USP32: variants seen among roughly 807,000 people sequenced by gnomAD.
USP32 encodes the protein ubiquitin carboxyl-terminal hydrolase 32.
In USP32, 59 loss-of-function variants were observed where a neutral mutation model predicts 204.8. That is an observed-to-expected ratio of 0.29 (90% CI 0.23 to 0.36). The LOEUF is 0.36. USP32 is among the 10% of genes least tolerant of loss of function. USP32 has a pLI of 1.00. For synonymous variants in USP32, 517 were observed against 678.4 expected, an observed-to-expected ratio of 0.76 and a Z score of 3.70; for missense variants, 1,160 against 1,946.4, an observed-to-expected ratio of 0.60 and a Z score of 7.60.
At chr17:60,417,777 ATTTATTTATT>A (rs2090073362) in intron 1 of USP32, among the ~76,000 whole-genome samples, 1 of 149,196 alleles carries the variant, frequency 6.7e-6, no homozygotes, top group East Asian at 2.0e-4. Context: ...ATTTTTATGT[ATTTATTTATT>A]TTTATTTTTA....
intron 1 of USP32, among the ~76,000 whole-genome samples, chr17:60,369,894 T>G (rs2089403959): frequency 6.6e-6 from 1 of 152,070 alleles, no homozygotes; most frequent in Non-Finnish European, 1.5e-5. Flanking sequence ...CTTGCTACCA[T>G]GCTCAGCTAA....
At chr17:60,223,388 A>G in intron 14 of USP32, 23 bp downstream of exon 14, 13 of 1,580,432 alleles carry the variant, frequency 8.2e-6, no homozygotes, top group Non-Finnish European at 1.0e-5. Context: ...AATAATTTTA[A>G]GTTTAGATGT....
chr17:60,289,159 C>A (rs1483798969), intron 4 of USP32, among the ~76,000 whole-genome samples: 1 of 152,140 alleles, frequency 6.6e-6, no homozygotes, highest in Non-Finnish European at 1.5e-5. Flanking sequence ...AGGCACCCAC[C>A]ACCACGCCCG....
At chr17:60,253,289 A>G (rs576222175) in intron 10 of USP32, among the ~76,000 whole-genome samples, 1 of 152,328 alleles carries the variant, frequency 6.6e-6, no homozygotes, top group South Asian at 2.1e-4. Flanking sequence ...ATGTTCGTGT[A>G]CAAACAGCAT....
chr17:60,232,359 G>C (rs2085586082), intron 12 of USP32, among the ~76,000 whole-genome samples: 1 of 151,010 alleles, frequency 6.6e-6, no homozygotes, highest in African/African-American at 2.4e-5. Context: ...TTTTAGTAGA[G>C]TCGGGGTTTC....
At chr17:60,347,377 G>A (rs142909524) in intron 1 of USP32, among the ~76,000 whole-genome samples, 3,126 of 147,094 alleles carry the variant, frequency 0.021, 133 homozygotes, top group African/African-American at 0.075. Flanking sequence ...TTTATGAGAC[G>A]GCATCTTGCT....
At chr17:60,228,607 GGA>G (rs1317110797) in intron 12 of USP32, among the ~76,000 whole-genome samples, 3 of 150,456 alleles carry the variant, frequency 2.0e-5, no homozygotes, top group Admixed American at 1.3e-4. Context: ...CTTGAGCTCA[GGA>G]GAGTTGGAGA....
chr17:60,221,558 G>A (rs1480129855), intron 15 of USP32, among the ~76,000 whole-genome samples: 1 of 150,472 alleles, frequency 6.6e-6, no homozygotes, highest in Non-Finnish European at 1.5e-5. Context: ...AGGCAGGAGT[G>A]CAATGGTGTG....
intron 2 of USP32, among the ~76,000 whole-genome samples, chr17:60,324,531 C>G (rs1221168242): frequency 6.6e-6 from 1 of 151,882 alleles, no homozygotes; most frequent in African/African-American, 2.4e-5. Flanking sequence ...TGGTAATTAA[C>G]AACATGTAAA....
At chr17:60,415,527 A>C (rs1360711437) in intron 1 of USP32, among the ~76,000 whole-genome samples, 3 of 152,128 alleles carry the variant, frequency 2.0e-5, no homozygotes, top group Non-Finnish European at 4.4e-5. Flanking sequence ...TTGGGGCTAG[A>C]CCTCTTTGAT....
At chr17:60,249,778 G>A in intron 11 of USP32, 1 of 698,928 alleles carries the variant, frequency 1.4e-6, no homozygotes, top group East Asian at 2.7e-5. Context: ...TGACAATTTT[G>A]TTCAGTTTTT....
At chr17:60,392,480 AC>A (rs552195258), upstream of USP32, 92 of 210,688 alleles carry the variant, frequency 4.4e-4, no homozygotes, top group South Asian at 1.1e-3. Context: ...CTTGAGGACG[AC>A]CCCCCCCGCC....
chr17:60,397,095 A>G (rs2089905723), upstream of USP32, among the ~76,000 whole-genome samples: 1 of 152,182 alleles, frequency 6.6e-6, no homozygotes, highest in Non-Finnish European at 1.5e-5. Flanking sequence ...GCAAAATACA[A>G]ACTACAAGCT....
intron 15 of USP32, among the ~76,000 whole-genome samples, chr17:60,220,455 T>C (rs1196501924): frequency 1.3e-5 from 2 of 152,214 alleles, no homozygotes; most frequent in Non-Finnish European, 2.9e-5. Context: ...GTTTTGTCTA[T>C]GACTTAAACA....
At chr17:60,322,931 C>G (rs1395351255) in intron 2 of USP32, among the ~76,000 whole-genome samples, 2 of 152,048 alleles carry the variant, frequency 1.3e-5, no homozygotes, top group Admixed American at 6.5e-5. Context: ...CAGGAAAATG[C>G]AAATCAAAAC....
intron 13 of USP32, among the ~76,000 whole-genome samples, chr17:60,224,305 G>C (rs1164732855): frequency 6.6e-6 from 1 of 152,194 alleles, no homozygotes; most frequent in East Asian, 1.9e-4. Flanking sequence ...AGGATCTTTA[G>C]ATGGGGTTAA....
chr17:60,401,885 T>C (rs1054761943), intron 1 of USP32, among the ~76,000 whole-genome samples: 6 of 152,156 alleles, frequency 3.9e-5, no homozygotes, highest in Non-Finnish European at 7.3e-5. Flanking sequence ...AGCCAGTAGA[T>C]ACAAAGTTGT....
chr17:60,389,472 G>A (rs1234484444), intron 1 of USP32, among the ~76,000 whole-genome samples: 2 of 151,694 alleles, frequency 1.3e-5, no homozygotes, highest in African/African-American at 4.9e-5. Context: ...GAACCCGGGA[G>A]GCGGAGGTTG....
At chr17:60,336,227 T>C (rs2088512950) in intron 2 of USP32, among the ~76,000 whole-genome samples, 1 of 143,186 alleles carries the variant, frequency 7.0e-6, no homozygotes, top group African/African-American at 3.0e-5. Context: ...GATCTTCTAT[T>C]GTGAACTCTG....
Sources: gnomAD v4.1 joint callset for allele counts (sites outside exome capture counted in the v4.1 genomes callset) on GRCh38, gnomAD v4.1.1 for gene constraint, MANE v1.5 for transcripts, NCBI Gene and HGNC (gene_info 2026-07-23, HGNC 2026-07-21) for gene names.